The following TMEM217B variants were observed in gnomAD, a reference collection of about 807,000 sequenced individuals.
TMEM217B encodes putative transmembrane protein 217B.
the TMEM217B span, among the ~76,000 whole-genome samples, chr6:37,254,028 C>T: frequency 6.6e-6 from 1 of 152,170 alleles, no homozygotes; most frequent in East Asian, 1.9e-4. Flanking sequence ...GCAGAAGCCT[C>T]TACTTACAGT....
At chr6:37,229,585 A>T in the TMEM217B span, among the ~76,000 whole-genome samples, 1 of 151,292 alleles carries the variant, frequency 6.6e-6, no homozygotes, top group Non-Finnish European at 1.5e-5. Flanking sequence ...CTCGTGATCC[A>T]CCCGCCTCCG....
chr6:37,245,224 G>A, the TMEM217B span, among the ~76,000 whole-genome samples: 5 of 152,192 alleles, frequency 3.3e-5, 1 homozygote, highest in African/African-American at 2.4e-5. Flanking sequence ...CTTACAGGGC[G>A]GTAGGTAGCC....
the TMEM217B span, among the ~76,000 whole-genome samples, chr6:37,234,101 C>T: frequency 3.1e-5 from 3 of 96,516 alleles, no homozygotes; most frequent in African/African-American, 4.7e-5. Flanking sequence ...GTATTAAATG[C>T]CTTTTTTTTT....
chr6:37,222,591 C>G, the TMEM217B span, among the ~76,000 whole-genome samples: 3 of 152,236 alleles, frequency 2.0e-5, no homozygotes, highest in African/African-American at 7.2e-5. Context: ...AGGTCTGCAG[C>G]CGTGGGTCCT....
chr6:37,247,925 G>A, the TMEM217B span, among the ~76,000 whole-genome samples: 1 of 152,152 alleles, frequency 6.6e-6, no homozygotes, highest in Non-Finnish European at 1.5e-5. Flanking sequence ...TGGGGGAAGA[G>A]CCTTCAGGCA....
At chr6:37,215,595 A>G in the TMEM217B span, among the ~76,000 whole-genome samples, 1 of 147,340 alleles carries the variant, frequency 6.8e-6, no homozygotes, top group East Asian at 2.0e-4. Flanking sequence ...AAAAAAAAAA[A>G]AAAAAAGAAA....
the TMEM217B span, among the ~76,000 whole-genome samples, chr6:37,240,007 G>A: frequency 6.6e-6 from 1 of 152,042 alleles, no homozygotes; most frequent in Admixed American, 6.6e-5. Flanking sequence ...GGCAGTGGCA[G>A]CCTAGCACTT....
the TMEM217B span, among the ~76,000 whole-genome samples, chr6:37,238,245 A>C: frequency 6.6e-6 from 1 of 152,114 alleles, no homozygotes; most frequent in Admixed American, 6.6e-5. Context: ...TATTTAAAAC[A>C]TTCAGAACAG....
chr6:37,252,589 A>G, the TMEM217B span, among the ~76,000 whole-genome samples: 536 of 29,608 alleles, frequency 0.018, 5 homozygotes, highest in African/African-American at 0.091. Flanking sequence ...GTGTACGTGT[A>G]TGTGTGTGTG....
chr6:37,235,618 G>T, the TMEM217B span, among the ~76,000 whole-genome samples: 1 of 4,924 alleles, frequency 2.0e-4, no homozygotes, highest in South Asian at 0.021. Context: ...CGTCCACCTT[G>T]GCCTCCCAAA....
chr6:37,228,137 T>A, the TMEM217B span, among the ~76,000 whole-genome samples: 1 of 152,120 alleles, frequency 6.6e-6, no homozygotes, highest in Admixed American at 6.6e-5. Context: ...GGCTTGCACC[T>A]ATAGTCCCAA....
the TMEM217B span, among the ~76,000 whole-genome samples, chr6:37,252,631 A>ATT: frequency 2.6e-5 from 2 of 77,326 alleles, no homozygotes; most frequent in African/African-American, 1.2e-4. Flanking sequence ...ATATATATAT[A>ATT]TATATATTTT....
At chr6:37,249,615 C>G in the TMEM217B span, among the ~76,000 whole-genome samples, 1 of 152,158 alleles carries the variant, frequency 6.6e-6, no homozygotes, top group East Asian at 1.9e-4. Flanking sequence ...GCCACCGCAC[C>G]CAGTGGAAGG....
At chr6:37,223,343 A>G in the TMEM217B span, among the ~76,000 whole-genome samples, 2 of 152,228 alleles carry the variant, frequency 1.3e-5, no homozygotes, top group Non-Finnish European at 2.9e-5. Flanking sequence ...CACCACACAC[A>G]AAAAGAAAAT....
At chr6:37,228,841 C>T in the TMEM217B span, among the ~76,000 whole-genome samples, 1 of 147,640 alleles carries the variant, frequency 6.8e-6, no homozygotes, top group Non-Finnish European at 1.5e-5. Context: ...ACTAAAAACA[C>T]AAAAAATTAG....
the TMEM217B span, among the ~76,000 whole-genome samples, chr6:37,232,110 G>C: frequency 9.9e-5 from 15 of 152,156 alleles, no homozygotes; most frequent in African/African-American, 3.1e-4. Context: ...TTGGGGGGGA[G>C]AGAGGGGTGA....
At chr6:37,218,547 T>C in the TMEM217B span, 1 of 1,614,210 alleles carries the variant, frequency 6.2e-7, no homozygotes, top group Non-Finnish European at 8.5e-7. Flanking sequence ...TAGGAAATTA[T>C]ATTGCCCTGG....
the TMEM217B span, among the ~76,000 whole-genome samples, chr6:37,254,820 A>C: frequency 6.6e-6 from 1 of 152,126 alleles, no homozygotes; most frequent in Non-Finnish European, 1.5e-5. Flanking sequence ...CCTTTTTGGC[A>C]CCTGGGACCA....
the TMEM217B span, among the ~76,000 whole-genome samples, chr6:37,228,825 G>T: frequency 2.0e-5 from 3 of 150,938 alleles, no homozygotes; most frequent in East Asian, 5.9e-4. Flanking sequence ...GTGAAACCCC[G>T]TCTCTACTAA....
Sources: gnomAD v4.1 joint callset for allele counts (sites outside exome capture counted in the v4.1 genomes callset) on GRCh38, gnomAD v4.1.1 for gene constraint, MANE v1.5 for transcripts, NCBI Gene and HGNC (gene_info 2026-07-23, HGNC 2026-07-21) for gene names.